CERS6: variants seen among roughly 807,000 people sequenced by gnomAD.
CERS6 encodes ceramide synthase 6, also known as LAG1 homolog, ceramide synthase 6.
In CERS6, 26 loss-of-function variants were observed where a neutral mutation model predicts 56.8. The ratio of observed to expected loss-of-function variants is 0.46; its 90% CI spans 0.34 to 0.63. The LOEUF is 0.63. Among genes scored for constraint, CERS6 ranks in the 30% least tolerant of loss-of-function variants. The pLI, the probability that CERS6 is intolerant of heterozygous loss-of-function variation, is 0.01. For synonymous variants in CERS6, 164 were observed against 173.3 expected (o/e 0.95, Z 0.42); for missense variants, 415 against 467.5 (o/e 0.89, Z 1.04).
chr2:168,681,840 A>G (rs1686225464), intron 4 of CERS6, among the ~76,000 whole-genome samples: 1 of 152,122 alleles, frequency 6.6e-6, no homozygotes, highest in African/African-American at 2.4e-5. Context: ...CTCTACTTCT[A>G]TGAGATCAAC....
intron 4 of CERS6, among the ~76,000 whole-genome samples, chr2:168,657,577 C>T (rs1274153970): frequency 6.6e-6 from 1 of 152,256 alleles, no homozygotes; most frequent in Non-Finnish European, 1.5e-5. Flanking sequence ...GTCCCGAGCC[C>T]TGCCCCGTGG....
intron 9 of CERS6, chr2:168,766,357 C>T: frequency 1.3e-6 from 2 of 1,597,396 alleles, no homozygotes; most frequent in Non-Finnish European, 1.7e-6. Flanking sequence ...TAAGTTTCTC[C>T]TCCTCTCTCT....
At chr2:168,684,072 A>G (rs1448360573) in intron 4 of CERS6, among the ~76,000 whole-genome samples, 2 of 152,168 alleles carry the variant, frequency 1.3e-5, no homozygotes, top group Non-Finnish European at 2.9e-5. Context: ...TTACTTACTA[A>G]ATTGATTGCA....
chr2:168,514,030 T>G (rs541635424), intron 1 of CERS6, among the ~76,000 whole-genome samples: 59 of 152,334 alleles, frequency 3.9e-4, no homozygotes, highest in African/African-American at 1.3e-3. Flanking sequence ...AAGCACAATT[T>G]CTAAAAATTA....
At position 168,631,478 on chromosome 2, in the gene CERS6, TATA is replaced by T. The variant is rs1245898741; in HGVS notation, c.465+440_465+442del. Among the ~76,000 whole-genome samples the T allele has an allele frequency of 2.3e-4, 28 of 124,284 alleles. 1 individual carries two copies. The highest frequency in any genetic ancestry group is 7.9e-4 in the African/African-American group (26 of 32,896). 81.5% of individuals were successfully genotyped at this position (124,284 alleles called of 152,430 possible). ...TTATATAAAAATATAATATATAATATATAATATATAAACTATATATTAATATAA... is the reference window on the plus strand; with the variant it reads ...TTATATAAAAATATAATATATAATATATATATAAACTATATATTAATATAA... On this transcript the variant is annotated intron_variant, in intron 4 of 9. Coordinates refer to ENST00000305747, the MANE Select transcript of CERS6 (RefSeq NM_203463.3).
At position 168,688,621 on chromosome 2, in the gene CERS6, A is replaced by G. The variant is rs73026586; in HGVS notation, c.466-2413A>G. ...GATCCTAGAAAAATGTACTGTGCAT[A>G]TGGAAGGTGATATTAATACCTGACG... On this transcript the variant is annotated intron_variant, in intron 4 of 9. Transcript: ENST00000305747. Among the ~76,000 whole-genome samples the G allele has an allele frequency of 9.3e-3, 1,418 of 152,274 alleles. 29 individuals are homozygous for G. Among genetic ancestry groups the G allele is most frequent in the African/African-American group, 0.032 (1,345 of 41,550 alleles).
chr2:168,749,885 G>T (rs890109656), intron 8 of CERS6, among the ~76,000 whole-genome samples: 1 of 152,240 alleles, frequency 6.6e-6, no homozygotes, highest in Non-Finnish European at 1.5e-5. Flanking sequence ...GCAGAGCAGG[G>T]TTACCCACTA....
At chr2:168,629,561 A>G (rs1303029911) in intron 3 of CERS6, among the ~76,000 whole-genome samples, 2 of 152,208 alleles carry the variant, frequency 1.3e-5, no homozygotes, top group Non-Finnish European at 2.9e-5. Flanking sequence ...AACTGGGTAC[A>G]TAATTTGCAG....
At position 168,710,998 on chromosome 2, in the gene CERS6, A is replaced by G. The variant is rs17250620; in HGVS notation, c.610-4003A>G. ...CCCCTGACAGTGGAATCTACCATCA[A>G]TGTGTCATGCTGTTTGGAGACTAGG... On this transcript the variant is annotated intron_variant, in intron 6 of 9. Transcript: ENST00000305747. Among the ~76,000 whole-genome samples the G allele has an allele frequency of 9.3e-3, 1,409 of 152,316 alleles. 17 individuals carry two copies. The highest frequency in any genetic ancestry group is 0.014 in the Non-Finnish European group (961 of 68,028).
chr2:168,678,776 C>T (rs551709119), intron 4 of CERS6, among the ~76,000 whole-genome samples: 6 of 152,178 alleles, frequency 3.9e-5, no homozygotes, highest in African/African-American at 1.2e-4. Context: ...GAATAATTGA[C>T]GTTTTCATAG....
At position 168,581,515 on chromosome 2, in the gene CERS6, A is replaced by T. The variant is rs572434048; in HGVS notation, c.407+20193A>T. Among the ~76,000 whole-genome samples the T allele has an allele frequency of 3.3e-5, 5 of 152,254 alleles. No homozygotes were observed. The South Asian group carries it at 1.0e-3, about 32-fold the overall frequency. ...TTTCTCTGGCCATATGTTAGATGTC[A>T]TCTGACATATCTTTCAAATCACTAA... is the stretch of plus-strand genomic sequence containing the variant. On this transcript the variant is annotated intron_variant, in intron 3 of 9. Coordinates refer to ENST00000305747, the MANE Select transcript of CERS6 (RefSeq NM_203463.3).
intron 3 of CERS6, chr2:168,606,393 A>G (rs1684053884): frequency 6.6e-6 from 1 of 152,180 alleles, no homozygotes; most frequent in Admixed American, 6.5e-5. Flanking sequence ...GTTGGTTTTA[A>G]GTATGGAATG....
chr2:168,478,428 C>A (rs534270985), intron 1 of CERS6, among the ~76,000 whole-genome samples: 1 of 152,268 alleles, frequency 6.6e-6, no homozygotes, highest in African/African-American at 2.4e-5. Context: ...GTATCCTGTT[C>A]CAGCTGAACT....
intron 2 of CERS6, among the ~76,000 whole-genome samples, chr2:168,558,713 C>CA (rs570086335): frequency 1.5e-3 from 230 of 152,196 alleles, no homozygotes; most frequent in African/African-American, 5.2e-3. Context: ...ACTAAAAATA[C>CA]AAAAAATTAG....
chr2:168,662,056 A>G (rs1685643432), intron 4 of CERS6, among the ~76,000 whole-genome samples: 1 of 151,834 alleles, frequency 6.6e-6, no homozygotes, highest in South Asian at 2.1e-4. Context: ...GACTATTACA[A>G]TACTGAGTGT....
At chr2:168,579,097 A>G (rs1385973396) in intron 3 of CERS6, among the ~76,000 whole-genome samples, 5 of 152,242 alleles carry the variant, frequency 3.3e-5, no homozygotes, top group Non-Finnish European at 5.9e-5. Flanking sequence ...AGAGAATAGT[A>G]TAATGAATTC....
At chr2:168,598,005 A>C (rs953605784) in intron 3 of CERS6, among the ~76,000 whole-genome samples, 1 of 152,158 alleles carries the variant, frequency 6.6e-6, no homozygotes, top group African/African-American at 2.4e-5. Flanking sequence ...CTATAGGTGT[A>C]TGTTGAGGAT....
chr2:168,581,877 A>G (rs1683420869), intron 3 of CERS6, among the ~76,000 whole-genome samples: 1 of 152,164 alleles, frequency 6.6e-6, no homozygotes, highest in Non-Finnish European at 1.5e-5. Context: ...GCCTAGGAAG[A>G]TGATGATTCT....
intron 3 of CERS6, among the ~76,000 whole-genome samples, chr2:168,565,234 AG>A (rs1002233861): frequency 4.6e-5 from 7 of 152,248 alleles, no homozygotes; most frequent in Admixed American, 6.5e-5. Context: ...ATATAAAAAA[AG>A]ATCTAGAATA....
Sources: allele counts gnomAD v4.1 joint callset (sites outside exome capture counted in the v4.1 genomes callset), GRCh38; gene constraint gnomAD v4.1.1; transcripts MANE v1.5; gene names NCBI Gene and HGNC (gene_info 2026-07-23, HGNC 2026-07-21).